STK39: variants seen among roughly 807,000 people sequenced by gnomAD.
STK39 encodes serine/threonine kinase 39.
Under a neutral mutation model 77.8 loss-of-function variants are expected in STK39, and 20 were observed. That is an observed-to-expected ratio of 0.26 (90% confidence interval 0.18 to 0.37). The LOEUF is 0.37. STK39 is among the 10% of genes least tolerant of loss of function. The probability of loss-of-function intolerance (pLI) is 1.00; values close to 1 mark genes in which losing one functional copy is unlikely to be tolerated. For synonymous variants in STK39, 246 were observed against 234.1 expected (o/e 1.05, Z -0.47); for missense variants, 479 against 656.5 (o/e 0.73, Z 2.95).
intron 14 of STK39, among the ~76,000 whole-genome samples, chr2:168,028,576 T>C (rs182076744): frequency 1.3e-5 from 2 of 152,316 alleles, no homozygotes; most frequent in African/African-American, 4.8e-5. Context: ...AGAAACATGA[T>C]AGTCTGGTCA....
intron 1 of STK39, among the ~76,000 whole-genome samples, chr2:168,182,847 A>G (rs1689117840): frequency 6.6e-6 from 1 of 152,138 alleles, no homozygotes; most frequent in Non-Finnish European, 1.5e-5. Flanking sequence ...AGGCATCTCA[A>G]TTCTGCAAAT....
intron 1 of STK39, among the ~76,000 whole-genome samples, chr2:168,209,046 C>T (rs1054498630): frequency 9.9e-5 from 15 of 152,268 alleles, no homozygotes; most frequent in Admixed American, 9.2e-4. Context: ...AGCACAATAC[C>T]ACCCAGAATC....
At chr2:168,002,407 C>T (rs1440209671) in intron 16 of STK39, among the ~76,000 whole-genome samples, 1 of 152,182 alleles carries the variant, frequency 6.6e-6, no homozygotes, top group Non-Finnish European at 1.5e-5. Context: ...TTTTCCCCAT[C>T]CCCAAATCGG....
intron 14 of STK39, among the ~76,000 whole-genome samples, chr2:168,046,306 C>T (rs935876297): frequency 6.6e-6 from 1 of 152,204 alleles, no homozygotes; most frequent in Non-Finnish European, 1.5e-5. Context: ...GTGGAGGTTG[C>T]AGTAAGCCAA....
intron 16 of STK39, among the ~76,000 whole-genome samples, chr2:168,004,875 C>T (rs954503693): frequency 6.6e-6 from 1 of 151,834 alleles, no homozygotes; most frequent in African/African-American, 2.4e-5. Context: ...TATTTCTGGG[C>T]TGGAACCCAG....
chr2:168,115,573 T>C lies in STK39; in HGVS notation c.1089+13968A>G, dbSNP rs909796585. 5.3e-5 allele frequency among the ~76,000 whole-genome samples: 8 copies of C among 152,224 alleles called. No homozygotes were observed. The East Asian group carries it at 5.8e-4, about 11-fold the overall frequency. On this transcript the variant is annotated intron_variant, in intron 10 of 17. Transcript: ENST00000355999. The stretch of plus-strand genomic sequence containing the variant: ...CAATCTAGTATTTATCAAGAAAAAA[T>C]TGATTCTTAATTATAGTCATTCTTG...
intron 1 of STK39, among the ~76,000 whole-genome samples, chr2:168,209,535 G>A (rs1385520856): frequency 6.6e-6 from 1 of 151,902 alleles, no homozygotes; most frequent in Non-Finnish European, 1.5e-5. Context: ...AATTAGCCGG[G>A]CACGGTGGCA....
chr2:168,096,909 A>C (rs963686619), intron 10 of STK39, among the ~76,000 whole-genome samples: 31 of 152,038 alleles, frequency 2.0e-4, no homozygotes, highest in Non-Finnish European at 4.0e-4. Context: ...AAGCATAGAA[A>C]AAAAAACCTG....
At chr2:168,161,717 G>T in intron 5 of STK39, 70 bp downstream of exon 5, 1 of 1,104,576 alleles carries the variant, frequency 9.1e-7, no homozygotes, top group South Asian at 1.5e-5. Context: ...TCTCAGGAAT[G>T]ATTCTACATT....
intron 10 of STK39, among the ~76,000 whole-genome samples, chr2:168,084,407 C>T (rs760492766): frequency 6.6e-6 from 1 of 152,132 alleles, no homozygotes; most frequent in African/African-American, 2.4e-5. Flanking sequence ...CGAGAGACCC[C>T]GAGTCAGGAC....
chr2:168,210,029 GAAA>G (rs1357867499), intron 1 of STK39, among the ~76,000 whole-genome samples: 17 of 81,208 alleles, frequency 2.1e-4, no homozygotes, highest in Non-Finnish European at 3.7e-4. Flanking sequence ...AGAAAGGAAA[GAAA>G]GGAAGGAAGG....
chr2:167,958,321 C>T (rs1026095256), intron 17 of STK39, among the ~76,000 whole-genome samples: 5 of 151,988 alleles, frequency 3.3e-5, no homozygotes, highest in African/African-American at 1.2e-4. Flanking sequence ...ATAAACAGTA[C>T]ATTTAAAAAC....
chr2:167,957,930 T>C (rs1207900836), intron 17 of STK39, among the ~76,000 whole-genome samples: 3 of 152,286 alleles, frequency 2.0e-5, no homozygotes, highest in Non-Finnish European at 4.4e-5. Flanking sequence ...GTGCCTCCCA[T>C]AGCTACACTG....
chr2:168,232,128 G>C, intron 1 of STK39: 2 of 244,270 alleles, frequency 8.2e-6, no homozygotes, highest in Non-Finnish European at 9.2e-6. Context: ...CCAGAGTGCA[G>C]GGACGCACAC....
chr2:168,177,536 G>A (rs1433636799), intron 2 of STK39, among the ~76,000 whole-genome samples: 1 of 152,174 alleles, frequency 6.6e-6, no homozygotes, highest in African/African-American at 2.4e-5. Flanking sequence ...AGAGTAACCT[G>A]AACATCACAA....
chr2:168,241,478 C>T (rs1690755963), intron 1 of STK39, among the ~76,000 whole-genome samples: 2 of 152,192 alleles, frequency 1.3e-5, no homozygotes, highest in African/African-American at 4.8e-5. Context: ...GCACCTAAAC[C>T]CCTGAGCTGT....
chr2:168,017,151 C>T, intron 14 of STK39, 56 bp from the exon 15 acceptor site: 1 of 1,253,514 alleles, frequency 8.0e-7, no homozygotes. Context: ...TTTAGTCGAA[C>T]TACATGTATT....
At chr2:168,042,005 T>C (rs765469521) in intron 14 of STK39, among the ~76,000 whole-genome samples, 2 of 152,200 alleles carry the variant, frequency 1.3e-5, no homozygotes, top group Non-Finnish European at 2.9e-5. Context: ...CCTCGCTATA[T>C]AATCTTTTAA....
chr2:168,052,162 T>C (rs1574423172), intron 14 of STK39, among the ~76,000 whole-genome samples: 1 of 152,076 alleles, frequency 6.6e-6, no homozygotes, highest in African/African-American at 2.4e-5. Context: ...TGGGTCTCAA[T>C]GGAGGGCAGG....
Sources: allele counts gnomAD v4.1 joint callset (sites outside exome capture counted in the v4.1 genomes callset), GRCh38; gene constraint gnomAD v4.1.1; transcripts MANE v1.5; gene names NCBI Gene and HGNC (gene_info 2026-07-23, HGNC 2026-07-21).